Variants in LHX6 observed in about 807,000 individuals in gnomAD.
LHX6 encodes LIM/homeobox protein Lhx6.
Under a neutral mutation model 47.1 loss-of-function variants are expected in LHX6, and 15 were observed. The ratio of observed to expected loss-of-function variants is 0.32; its 90% confidence interval spans 0.21 to 0.49. The LOEUF (loss-of-function observed/expected upper bound fraction) is 0.49, where lower values mean the gene tolerates loss of function less well. Ranked by LOEUF, LHX6 falls within the 20% of genes least tolerant of loss-of-function variation. The pLI, the probability that LHX6 is intolerant of heterozygous loss-of-function variation, is 0.99. For synonymous variants in LHX6, 242 were observed against 233.5 expected (o/e 1.04, Z -0.33); for missense variants, 404 against 539.6 (o/e 0.75, Z 2.49).
At position 122,213,676 on chromosome 9, in the gene LHX6, G is replaced by A; in HGVS notation, c.984C>T (p.Asp328=). ...PPSRLPSALS[D]DIHYTPFSSP... is the part of the protein sequence containing the mutation. ...TGCTGAACGGGGTGTAGTGGATGTCGTCGGACAGGGCGGAGGGAAGGCGGG... is the reference window on the plus strand; with the variant it reads ...TGCTGAACGGGGTGTAGTGGATGTCATCGGACAGGGCGGAGGGAAGGCGGG... The change falls in exon 8 of 10, where the codon GAC becomes GAT. Residue 328 remains aspartate, a synonymous_variant. Coordinates refer to ENST00000394319, the MANE Select transcript of LHX6 (RefSeq NM_014368.5). The surrounding 1 kb of genome is among the most constrained non-coding windows in gnomAD (Gnocchi z 5.5). 5.6e-6 allele frequency: 9 copies of A among 1,612,512 alleles called. No individual in the cohort carries two copies. The highest frequency in any genetic ancestry group is 6.8e-6 in the Non-Finnish European group (8 of 1,179,794).
chr9:122,203,526 C>A lies in LHX6; in HGVS notation c.*1234G>T, dbSNP rs1362224117. The A allele has an allele frequency of 1.3e-5, 2 of 152,600 alleles. No homozygotes were observed. The highest frequency in any genetic ancestry group is 2.4e-5 in the African/African-American group (1 of 41,408). The allele number at this position is 152,600 out of a possible 1,614,324, so 9.5% of individuals were successfully genotyped here. On this transcript the variant is annotated 3_prime_UTR_variant, in exon 10 of 10. Transcript: ENST00000394319. ...GGATAAGCTTGGGACAAATGGGCATCCCCTGAAAACATAAATCATGGTCGT... is the reference window on the plus strand; with the variant it reads ...GGATAAGCTTGGGACAAATGGGCATACCCTGAAAACATAAATCATGGTCGT...
At chr9:122,212,199 A>G (rs971997641) in intron 8 of LHX6, among the ~76,000 whole-genome samples, 2 of 152,188 alleles carry the variant, frequency 1.3e-5, no homozygotes, top group Admixed American at 6.5e-5. Flanking sequence ...AGATGAGGGA[A>G]TGAGTATGCA....
intron 1 of LHX6, chr9:122,227,952 A>AGGGGGCCCCCCCCCCCCCCCCCCCCCCC: frequency 7.6e-6 from 1 of 132,440 alleles, no homozygotes; most frequent in Admixed American, 8.0e-5. Context: ...TTCTCTCTCC[A>AGGGGGCCCCCCCCCCCCCCCCCCCCCCC]CCCGCCCCCC....
intron 4 of LHX6, among the ~76,000 whole-genome samples, chr9:122,220,336 C>T (rs1830793561): frequency 6.6e-6 from 1 of 152,214 alleles, no homozygotes; most frequent in Admixed American, 6.5e-5. Flanking sequence ...CGTCCTCGCG[C>T]CAGATCCTTG....
intron 9 of LHX6, among the ~76,000 whole-genome samples, chr9:122,208,490 G>A (rs781698911): frequency 6.6e-6 from 1 of 152,174 alleles, no homozygotes; most frequent in Non-Finnish European, 1.5e-5. Context: ...GCTGGGCACA[G>A]ACAAGACATA....
chr9:122,221,692 A>T (rs75665828), intron 4 of LHX6: 1 of 985,482 alleles, frequency 1.0e-6, no homozygotes, highest in East Asian at 1.1e-4. Flanking sequence ...CAGGCCTCTG[A>T]GGTCACTCCT....
chr9:122,227,470 T>C lies in LHX6; in HGVS notation c.95A>G (p.Gln32Arg). The change falls in exon 2 of 10, where the codon CAG becomes CGG. Residue 32 changes from glutamine to arginine, a missense_variant. By Grantham distance (43) the Gln-to-Arg change is conservative. Around this residue, in one of 7 missense-constraint regions of LHX6, gnomAD observed 144 missense variants for 128.7 expected, o/e 1.12. Coordinates refer to ENST00000394319, the MANE Select transcript of LHX6 (RefSeq NM_014368.5). ...GGPATDQVMA[Q>R]PGSGCKATTR... ...GGTCGCTTTGCAGCCGGACCCTGGC[T>C]GGGCCATCACCTGGGGGAGGGGGGG... The C allele has an allele frequency of 1.5e-6, 1 of 661,264 alleles. No homozygotes were observed. Among genetic ancestry groups the C allele is most frequent in the Non-Finnish European group, 2.2e-6 (1 of 444,800 alleles). The allele number at this position is 661,264 out of a possible 1,614,324, so 41.0% of individuals were successfully genotyped here. A position where few individuals can be genotyped will look rare whatever the true frequency, so the allele number is the denominator to read the frequency against.
At chr9:122,227,283 A>G (rs1366785510) in intron 2 of LHX6, 126 bp downstream of exon 2, 2 of 1,026,882 alleles carry the variant, frequency 1.9e-6, no homozygotes, top group Non-Finnish European at 2.7e-6. Flanking sequence ...AGGCTCAGAG[A>G]GGGGCGGCGC....
intron 5 of LHX6, among the ~76,000 whole-genome samples, chr9:122,215,046 A>G (rs1383745990): frequency 6.6e-6 from 1 of 152,246 alleles, no homozygotes; most frequent in Non-Finnish European, 1.5e-5. Flanking sequence ...TTACAGTCAT[A>G]CTAAAACACT....
intron 4 of LHX6, among the ~76,000 whole-genome samples, chr9:122,222,751 C>T (rs1344070687): frequency 6.6e-6 from 1 of 152,200 alleles, no homozygotes; most frequent in African/African-American, 2.4e-5. Context: ...CAAGGAGGGA[C>T]AAGGTGGGGG....
At chr9:122,228,117 C>T in intron 1 of LHX6, 1 of 606,058 alleles carries the variant, frequency 1.7e-6, no homozygotes, top group Non-Finnish European at 2.8e-6. Flanking sequence ...CGCCCGCCCG[C>T]CCGCCTGACA....
Position 122,213,524 on chromosome 9 carries a change from G to T in LHX6, c.1054+82C>A. Reference sequence around the variant, plus strand: ...GGCTCCCCAAGGCCCTCCACCCCACGCCTCGGCCTCAGCCGCCCACGTGCG... The same window carrying T: ...GGCTCCCCAAGGCCCTCCACCCCACTCCTCGGCCTCAGCCGCCCACGTGCG... On this transcript the variant is annotated intron_variant, in intron 8 of 9. Transcript: ENST00000394319. This position sits in a 1 kb window ranked among gnomAD's most constrained non-coding sequence, Gnocchi z 5.5. The T allele has an allele frequency of 7.7e-7, 1 of 1,304,892 alleles. No individual in the cohort carries two copies. Among genetic ancestry groups the T allele is most frequent in the Non-Finnish European group, 1.0e-6 (1 of 973,320 alleles). The allele number at this position is 1,304,892 out of a possible 1,614,324, so 80.8% of individuals were successfully genotyped here. A position where few individuals can be genotyped will look rare whatever the true frequency, so the allele number is the denominator to read the frequency against.
intron 1 of LHX6, chr9:122,228,346 C>T: frequency 2.0e-6 from 3 of 1,531,936 alleles, no homozygotes; most frequent in Admixed American, 2.0e-5. Context: ...GCCGGCACAA[C>T]CCCCGGCGCA....
rs760455304 is a variant in LHX6 at position 122,213,997 on chromosome 9, C to A, written c.856G>T (p.Gly286Cys). The change falls in exon 7 of 10, where the codon GGC becomes TGC. Residue 286 changes from glycine to cysteine, a missense_variant. Gly to Cys is a radical substitution (Grantham distance 159). Around this residue, in one of 7 missense-constraint regions of LHX6, gnomAD observed 23 missense variants for 28.6 expected, o/e 0.80. Transcript: ENST00000394319. This position sits in a 1 kb window ranked among gnomAD's most constrained non-coding sequence, Gnocchi z 5.5. ...QTLQKLADMT[G>C]LSRRVIQVWF... Reference sequence around the variant, plus strand: ...ACCTGGATGACTCTCCGGCTGAGGCCCGTCATGTCCGCCAGCTTCTGCAGC... The same window carrying A: ...ACCTGGATGACTCTCCGGCTGAGGCACGTCATGTCCGCCAGCTTCTGCAGC... The A allele has an allele frequency of 6.2e-7, 1 of 1,601,400 alleles. No homozygotes were observed. Among genetic ancestry groups the A allele is most frequent in the South Asian group, 1.1e-5 (1 of 90,984 alleles).
chr9:122,221,454 G>T (rs1458731021), intron 4 of LHX6: 8 of 985,396 alleles, frequency 8.1e-6, no homozygotes, highest in Middle Eastern at 5.2e-4. Context: ...GCTGGAGCCC[G>T]CGACAGAGCT....
intron 4 of LHX6, among the ~76,000 whole-genome samples, chr9:122,224,008 C>T (rs1238432080): frequency 6.6e-6 from 1 of 152,082 alleles, no homozygotes; most frequent in Non-Finnish European, 1.5e-5. Context: ...CAAGCATCAT[C>T]TGGCATGTTT....
intron 8 of LHX6, among the ~76,000 whole-genome samples, chr9:122,210,397 T>A (rs1357795213): frequency 6.6e-6 from 1 of 152,204 alleles, no homozygotes; most frequent in African/African-American, 2.4e-5. Context: ...CCTCCCTCAG[T>A]AAGTTCATAT....
Position 122,214,543 on chromosome 9 carries a change from G to C in LHX6, c.683-160C>G, listed in dbSNP as rs537720811. On this transcript the variant is annotated intron_variant, in intron 5 of 9. Transcript: ENST00000394319. This position sits in a 1 kb window ranked among gnomAD's most constrained non-coding sequence, Gnocchi z 4.6. ...CTAGTCCCTGAGCTCAGTCTTTGGGGAAGGGGTTTCTGAGCGTCCGCTTAG... is the reference window on the plus strand; with the variant it reads ...CTAGTCCCTGAGCTCAGTCTTTGGGCAAGGGGTTTCTGAGCGTCCGCTTAG... 93 of 688,870 alleles carry C rather than the reference G, an allele frequency of 1.4e-4. No individual in the cohort carries two copies. The African/African-American group carries it at 1.8e-3, about 13-fold the overall frequency. The allele number at this position is 688,870 out of a possible 1,614,324, so 42.7% of individuals were successfully genotyped here.
At chr9:122,228,619 C>G in intron 1 of LHX6, 38 bp downstream of exon 1, 1 of 1,307,170 alleles carries the variant, frequency 7.7e-7, no homozygotes, top group East Asian at 3.1e-5. Context: ...CTGCCCGACC[C>G]CGGCCCGGGC....
Sources: gnomAD v4.1 joint callset for allele counts (sites outside exome capture counted in the v4.1 genomes callset) on GRCh38, gnomAD v4.1.1 for gene constraint, gnomAD v4.1.1 regional missense constraint, Gnocchi (gnomAD v3.1) non-coding constraint, MANE v1.5 for transcripts, NCBI Gene and HGNC (gene_info 2026-07-23, HGNC 2026-07-21) for gene names.